Variants in KCNAB2 observed in about 807,000 individuals in gnomAD.
KCNAB2 encodes voltage-gated potassium channel subunit beta-2.
A neutral mutation model predicts 63.6 loss-of-function variants in KCNAB2; 29 were observed. The observed-to-expected ratio is 0.46, with a 90% CI of 0.34 to 0.62. KCNAB2 has a LOEUF of 0.62. Ranked by LOEUF, KCNAB2 falls within the 20% of genes least tolerant of loss-of-function variation. The pLI, the probability that KCNAB2 is intolerant of heterozygous loss-of-function variation, is 0.01. For missense variants in KCNAB2, 359 were observed against 563.9 expected (o/e 0.64, Z 3.68); for synonymous variants, 222 against 224.2 (o/e 0.99, Z 0.09).
chr1:6,077,689 G>A (rs1438754411), intron 4 of KCNAB2, among the ~76,000 whole-genome samples: 1 of 152,200 alleles, frequency 6.6e-6, no homozygotes, highest in Non-Finnish European at 1.5e-5. Flanking sequence ...TAGTCTATGA[G>A]CAGGAGTGGG....
intron 1 of KCNAB2, among the ~76,000 whole-genome samples, chr1:5,995,432 G>C (rs972899048): frequency 3.9e-5 from 6 of 152,244 alleles, no homozygotes; most frequent in African/African-American, 1.4e-4. Flanking sequence ...CCGAGGACAT[G>C]ACCGGCTGTC....
At chr1:6,079,310 A>C (rs947622418) in intron 4 of KCNAB2, among the ~76,000 whole-genome samples, 4 of 152,182 alleles carry the variant, frequency 2.6e-5, no homozygotes, top group African/African-American at 4.8e-5. Flanking sequence ...ACTTGAGGTC[A>C]GGAGTTCGAG....
intron 2 of KCNAB2, among the ~76,000 whole-genome samples, chr1:6,053,427 A>G (rs1450980537): frequency 6.6e-6 from 1 of 152,162 alleles, no homozygotes; most frequent in African/African-American, 2.4e-5. Context: ...GACAAGTTCC[A>G]ACAGCGACCA....
rs1663379830 is a variant in KCNAB2 at position 6,073,286 on chromosome 1, G to A, written c.263-447G>A. 6.6e-6 allele frequency among the ~76,000 whole-genome samples: 1 copy of A among 151,420 alleles called. No individual in the cohort carries two copies. The highest frequency in any genetic ancestry group is 1.5e-5 in the Non-Finnish European group (1 of 67,856). ...CACCCCCACACACACACCGCCCACT[G>A]CAGTACACACACCCCGCCCCCCACC... On this transcript the variant is annotated intron_variant, in intron 3 of 15. Transcript: ENST00000378083. The surrounding 1 kb of genome is among the most constrained non-coding windows in gnomAD (Gnocchi z 5.7).
At chr1:6,081,104 C>T (rs1023246144) in intron 4 of KCNAB2, among the ~76,000 whole-genome samples, 11 of 152,246 alleles carry the variant, frequency 7.2e-5, no homozygotes, top group Non-Finnish European at 1.0e-4. Context: ...TCCCACCCCA[C>T]GACCAGTTCT....
At chr1:6,016,231 C>G (rs1010182565) in intron 1 of KCNAB2, among the ~76,000 whole-genome samples, 1 of 152,168 alleles carries the variant, frequency 6.6e-6, no homozygotes, top group Non-Finnish European at 1.5e-5. Context: ...AGGGGCCAAG[C>G]AGGGTCCCCC....
intron 2 of KCNAB2, among the ~76,000 whole-genome samples, chr1:6,064,552 G>T (rs561951049): frequency 6.6e-6 from 1 of 152,352 alleles, no homozygotes; most frequent in East Asian, 1.9e-4. Context: ...GTAGGGAGAA[G>T]GGTAGGGGGC....
At chr1:6,075,293 A>C (rs1663567987) in intron 4 of KCNAB2, among the ~76,000 whole-genome samples, 1 of 152,264 alleles carries the variant, frequency 6.6e-6, no homozygotes, top group Admixed American at 6.5e-5. Flanking sequence ...GACTAGACCC[A>C]TCCAATGAGA....
At position 6,073,644 on chromosome 1, in the gene KCNAB2, CT is replaced by C. The variant is rs1663415019; in HGVS notation, c.263-88del. On this transcript the variant is annotated intron_variant, in intron 3 of 15. Coordinates refer to ENST00000378083, the MANE Select transcript of KCNAB2 (RefSeq NM_001199862.2). This position sits in a 1 kb window ranked among gnomAD's most constrained non-coding sequence, Gnocchi z 5.7. ...ACAGAGGGACACCTGTGGCTGCCCC[CT>C]GTGCCCTACAGCCTGAGGTCTGAGC... 8 of 1,255,596 alleles carry C rather than the reference CT, an allele frequency of 6.4e-6. No homozygotes were observed. 77.8% of individuals were successfully genotyped at this position (1,255,596 alleles called of 1,614,324 possible). A position where few individuals can be genotyped will look rare whatever the true frequency, so the allele number is the denominator to read the frequency against.
At chr1:6,088,040 T>G (rs771929326) in intron 7 of KCNAB2, among the ~76,000 whole-genome samples, 1 of 152,104 alleles carries the variant, frequency 6.6e-6, no homozygotes, top group Non-Finnish European at 1.5e-5. Flanking sequence ...ATTCATTCTT[T>G]TTTTTATTTT....
intron 2 of KCNAB2, chr1:6,040,756 C>T (rs1441583739): frequency 1.5e-6 from 1 of 661,800 alleles, no homozygotes; most frequent in African/African-American, 1.8e-5. Flanking sequence ...CCAAGCAGGG[C>T]CCACAGGCTT....
At chr1:6,017,339 C>T (rs1402311598) in intron 1 of KCNAB2, among the ~76,000 whole-genome samples, 2 of 152,154 alleles carry the variant, frequency 1.3e-5, no homozygotes, top group African/African-American at 4.8e-5. Flanking sequence ...CAACCTGAGG[C>T]TCAGGCCATC....
intron 4 of KCNAB2, among the ~76,000 whole-genome samples, chr1:6,076,548 A>T (rs556260693): frequency 6.6e-6 from 1 of 152,252 alleles, no homozygotes; most frequent in South Asian, 2.1e-4. Context: ...CTAATCCTCT[A>T]TCAACCCAGG....
rs1659947433 is a variant in KCNAB2 at position 6,035,354 on chromosome 1, A to ACC, written c.-53+560_-53+561insCC. On this transcript the variant is annotated intron_variant, in intron 1 of 15. Coordinates refer to the KCNAB2 transcript ENST00000164247. The surrounding 1 kb of genome is among the most constrained non-coding windows in gnomAD (Gnocchi z 5.0). Reference sequence around the variant, plus strand: ...AGGTTTGGAGTGAAGCAGTGACATAATCTGACTTATGTTCTGGGAGGATCA... The same window carrying ACC: ...AGGTTTGGAGTGAAGCAGTGACATAACCTCTGACTTATGTTCTGGGAGGATCA... Among the ~76,000 whole-genome samples, 1 of 152,146 alleles carries ACC rather than the reference A, an allele frequency of 6.6e-6. No individual in the cohort carries two copies. The highest frequency in any genetic ancestry group is 2.1e-4 in the South Asian group (1 of 4,828).
chr1:6,066,629 C>A (rs1662779803), intron 2 of KCNAB2, among the ~76,000 whole-genome samples: 2 of 152,202 alleles, frequency 1.3e-5, no homozygotes, highest in Admixed American at 1.3e-4. Flanking sequence ...AGGGCCCCCC[C>A]AACATCCTCC....
intron 2 of KCNAB2, among the ~76,000 whole-genome samples, chr1:6,056,544 GGGC>G (rs1661844794): frequency 6.6e-6 from 1 of 152,146 alleles, no homozygotes; most frequent in African/African-American, 2.4e-5. Flanking sequence ...AGCTGTGGCC[GGGC>G]CCACACTGTG....
At chr1:6,045,536 C>T (rs971482874), upstream of KCNAB2, among the ~76,000 whole-genome samples, 4 of 152,140 alleles carry the variant, frequency 2.6e-5, no homozygotes, top group Non-Finnish European at 4.4e-5. The surrounding 1 kb of genome is among the most constrained non-coding windows in gnomAD (Gnocchi z 4.8). Flanking sequence ...TTATAGCTAC[C>T]GGTAGTATCA....
intron 5 of KCNAB2, among the ~76,000 whole-genome samples, chr1:6,083,506 C>T (rs1336774995): frequency 2.6e-5 from 4 of 152,320 alleles, no homozygotes; most frequent in East Asian, 1.9e-4. Context: ...CCGGCAGCCT[C>T]GGGCCTCTCG....
rs990801701 is a variant in KCNAB2 at position 6,073,870 on chromosome 1, G to A, written c.300+100G>A. ...GACCAGTGAGCACGTGCTCCCGGGAGCCAGCGCAGCAGCCTCCCTCCCTCT... is the reference window on the plus strand; with the variant it reads ...GACCAGTGAGCACGTGCTCCCGGGAACCAGCGCAGCAGCCTCCCTCCCTCT... On this transcript the variant is annotated intron_variant, in intron 4 of 15. Transcript: ENST00000378083. This position sits in a 1 kb window ranked among gnomAD's most constrained non-coding sequence, Gnocchi z 5.7. The A allele has an allele frequency of 8.2e-7, 1 of 1,223,990 alleles. No individual in the cohort carries two copies. The highest frequency in any genetic ancestry group is 1.5e-5 in the African/African-American group (1 of 67,106). 75.8% of individuals were successfully genotyped at this position (1,223,990 alleles called of 1,614,324 possible).
Sources: allele counts gnomAD v4.1 joint callset (sites outside exome capture counted in the v4.1 genomes callset), GRCh38; gene constraint gnomAD v4.1.1; non-coding constraint Gnocchi (gnomAD v3.1); transcripts MANE v1.5; gene names NCBI Gene and HGNC (gene_info 2026-07-23, HGNC 2026-07-21).